The following CADPS variants were observed in gnomAD, a reference collection of about 807,000 sequenced individuals.
CADPS encodes the protein calcium dependent secretion activator, also known as calcium-dependent secretion activator 1.
In CADPS, 57 loss-of-function variants were observed where a neutral mutation model predicts 167.3. The ratio of observed to expected loss-of-function variants is 0.34; its 90% CI spans 0.28 to 0.42. The LOEUF is 0.42. Ranked by LOEUF, CADPS falls within the 20% of genes least tolerant of loss-of-function variation. The probability of loss-of-function intolerance (pLI) is 1.00; values close to 1 mark genes in which losing one functional copy is unlikely to be tolerated. For missense variants in CADPS, 1,414 were observed against 1,738.1 expected (o/e 0.81, Z 3.32); for synonymous variants, 676 against 635.3 (o/e 1.06, Z -0.96).
At chr3:62,660,753 T>G (rs1406686826) in intron 4 of CADPS, among the ~76,000 whole-genome samples, 3 of 152,212 alleles carry the variant, frequency 2.0e-5, no homozygotes, top group African/African-American at 7.2e-5. Context: ...AGGAGCCTGA[T>G]GCTATTTACA....
At chr3:62,710,068 G>A (rs1222877752) in intron 3 of CADPS, among the ~76,000 whole-genome samples, 2 of 152,042 alleles carry the variant, frequency 1.3e-5, no homozygotes, top group Non-Finnish European at 2.9e-5. Context: ...TGCCTGGCCA[G>A]GTTCTATGTT....
At chr3:62,662,224 C>G (rs776627549) in intron 4 of CADPS, 90 bp downstream of exon 4, 3 of 1,126,302 alleles carry the variant, frequency 2.7e-6, no homozygotes, top group Non-Finnish European at 4.1e-6. Flanking sequence ...TGCTTCTCAG[C>G]TTTATCCTTT....
chr3:62,513,331 A>G (rs534778708), intron 16 of CADPS, among the ~76,000 whole-genome samples: 14 of 152,218 alleles, frequency 9.2e-5, no homozygotes, highest in African/African-American at 3.4e-4. Flanking sequence ...AGTGACAAGC[A>G]CTTTACAAAT....
At chr3:62,649,519 C>T (rs542247504) in intron 5 of CADPS, among the ~76,000 whole-genome samples, 2 of 127,616 alleles carry the variant, frequency 1.6e-5, no homozygotes, top group South Asian at 5.6e-4. Context: ...CCTTTTATAT[C>T]AAGGGAATCA....
chr3:62,631,910 C>T (rs1029292234), intron 6 of CADPS, among the ~76,000 whole-genome samples: 3 of 152,114 alleles, frequency 2.0e-5, no homozygotes, highest in East Asian at 1.9e-4. Context: ...CACTTTCTCT[C>T]GGTATATAGG....
intron 3 of CADPS, among the ~76,000 whole-genome samples, chr3:62,732,369 A>G (rs2078073550): frequency 6.6e-6 from 1 of 152,174 alleles, no homozygotes; most frequent in African/African-American, 2.4e-5. Context: ...AACAGCCCAC[A>G]AGGAACTGAA....
chr3:62,583,110 T>C (rs2083780559), intron 8 of CADPS, among the ~76,000 whole-genome samples: 1 of 152,022 alleles, frequency 6.6e-6, no homozygotes. Flanking sequence ...CATTCATTCA[T>C]ATTCTGTTCT....
intron 1 of CADPS, among the ~76,000 whole-genome samples, chr3:62,868,819 C>A (rs2082145707): frequency 6.6e-6 from 1 of 152,110 alleles, no homozygotes; most frequent in South Asian, 2.1e-4. Context: ...AAAAAGTAAT[C>A]TCATTGTCCA....
chr3:62,799,165 G>A (rs955786625), intron 1 of CADPS, among the ~76,000 whole-genome samples: 7 of 152,128 alleles, frequency 4.6e-5, no homozygotes, highest in African/African-American at 1.4e-4. Flanking sequence ...TTCACAGATT[G>A]TCCACCACTG....
At chr3:62,696,743 C>A (rs557390847) in intron 3 of CADPS, among the ~76,000 whole-genome samples, 1 of 152,156 alleles carries the variant, frequency 6.6e-6, no homozygotes, top group Non-Finnish European at 1.5e-5. Context: ...AACAGACTGG[C>A]TTCTGTTTCT....
At chr3:62,796,195 C>G (rs2093394615) in intron 1 of CADPS, 1 of 152,230 alleles carries the variant, frequency 6.6e-6, no homozygotes, top group African/African-American at 2.4e-5. Context: ...CCATTATGAA[C>G]AGCATAAGAG....
intron 1 of CADPS, among the ~76,000 whole-genome samples, chr3:62,798,446 C>T (rs1233111934): frequency 1.3e-5 from 2 of 152,138 alleles, no homozygotes; most frequent in African/African-American, 4.8e-5. Context: ...GTGAAGCCTG[C>T]ACTGTTGGCT....
chr3:62,595,223 TAGAG>T (rs1275074092), intron 6 of CADPS, among the ~76,000 whole-genome samples: 2 of 151,982 alleles, frequency 1.3e-5, no homozygotes, highest in African/African-American at 4.8e-5. Flanking sequence ...ACAGTCATAG[TAGAG>T]ACAGAGAGGA....
chr3:62,461,094 G>A (rs1303730780), intron 26 of CADPS, among the ~76,000 whole-genome samples: 1 of 152,140 alleles, frequency 6.6e-6, no homozygotes, highest in Non-Finnish European at 1.5e-5. Context: ...AAGAATTCAC[G>A]TGAGCTGGGG....
intron 1 of CADPS, among the ~76,000 whole-genome samples, chr3:62,840,132 T>G (rs1247272088): frequency 6.6e-6 from 1 of 152,236 alleles, no homozygotes; most frequent in Non-Finnish European, 1.5e-5. Context: ...ATCTTCATTA[T>G]TATTGCCATT....
chr3:62,687,172 G>C (rs1376961279), intron 3 of CADPS, among the ~76,000 whole-genome samples: 1 of 152,102 alleles, frequency 6.6e-6, no homozygotes. Context: ...GGGTTGAGGG[G>C]GCCCAACACG....
chr3:62,570,541 T>C (rs1178506392), intron 9 of CADPS, among the ~76,000 whole-genome samples: 1 of 152,232 alleles, frequency 6.6e-6, no homozygotes, highest in Non-Finnish European at 1.5e-5. Context: ...CCTCCATCCC[T>C]GGCAGGAGAC....
chr3:62,402,943 T>C (rs912855158), intron 29 of CADPS, 138 bp downstream of exon 29: 2 of 513,540 alleles, frequency 3.9e-6, no homozygotes, highest in Middle Eastern at 5.2e-4. Flanking sequence ...CACAAAACAA[T>C]TGCATAGGTT....
chr3:62,722,190 T>C (rs1288695059), intron 3 of CADPS, among the ~76,000 whole-genome samples: 1 of 152,202 alleles, frequency 6.6e-6, no homozygotes. Flanking sequence ...GAATGCTCAC[T>C]GTGGCCTGTG....
Sources: allele counts gnomAD v4.1 joint callset (sites outside exome capture counted in the v4.1 genomes callset), GRCh38; gene constraint gnomAD v4.1.1; transcripts MANE v1.5; gene names NCBI Gene and HGNC (gene_info 2026-07-23, HGNC 2026-07-21).